Variants in STPG2 observed in about 807,000 individuals in gnomAD.
STPG2 encodes the protein sperm-tail PG-rich repeat-containing protein 2.
A neutral mutation model predicts 54.2 loss-of-function variants in STPG2; 56 were observed. The ratio of observed to expected loss-of-function variants is 1.03; its 90% confidence interval spans 0.83 to 1.29. The LOEUF (loss-of-function observed/expected upper bound fraction) is 1.29, where lower values mean the gene tolerates loss of function less well. Among genes scored for constraint, STPG2 ranks in the 50% most tolerant of loss-of-function variants. The pLI is 0.00. For missense variants in STPG2, 596 were observed against 544.9 expected, an observed-to-expected ratio of 1.09 and a Z score of -0.93; for synonymous variants, 200 against 181.8, an observed-to-expected ratio of 1.10 and a Z score of -0.81.
At chr4:98,137,510 ATATTT>A (rs1475228208) in intron 1 of STPG2, among the ~76,000 whole-genome samples, 1 of 151,782 alleles carries the variant, frequency 6.6e-6, no homozygotes, top group Non-Finnish European at 1.5e-5. Context: ...GTCTACATTT[ATATTT>A]TATGTGATTT....
Position 97,742,551 on chromosome 4 carries a change from G to GTATA in STPG2, c.1205-29738_1205-29737insTATA, listed in dbSNP as rs1467194240. 7.6e-4 allele frequency among the ~76,000 whole-genome samples: 109 copies of GTATA among 142,898 alleles called. 1 individual carries two copies. The South Asian group carries it at 0.013, about 17-fold the overall frequency. The allele number at this position is 142,898 out of a possible 152,430, so 93.7% of individuals were successfully genotyped here. A position where few individuals can be genotyped will look rare whatever the true frequency, so the allele number is the denominator to read the frequency against. On this transcript the variant is annotated intron_variant, in intron 9 of 10. Coordinates refer to ENST00000295268, the MANE Select transcript of STPG2 (RefSeq NM_174952.3). ...TGTGTGTGTGTGTGTGTGTGTGTGT[G>GTATA]TGTGTGTGTGTGTGTCTATATATAT...
intron 9 of STPG2, among the ~76,000 whole-genome samples, chr4:97,755,022 G>A (rs1168813199): frequency 6.6e-6 from 1 of 151,828 alleles, no homozygotes; most frequent in African/African-American, 2.4e-5. Flanking sequence ...GTCAAATAAA[G>A]CAAAAAAACA....
At chr4:97,732,374 T>C (rs1245268714) in intron 9 of STPG2, among the ~76,000 whole-genome samples, 2 of 152,178 alleles carry the variant, frequency 1.3e-5, no homozygotes, top group Admixed American at 6.5e-5. Context: ...AGGTGAGAGA[T>C]AGCGATCCAG....
chr4:97,887,982 G>A (rs1361839828), intron 8 of STPG2, among the ~76,000 whole-genome samples: 4 of 152,194 alleles, frequency 2.6e-5, no homozygotes, highest in Non-Finnish European at 5.9e-5. Flanking sequence ...GAGGATTTAA[G>A]TCATAAGCCT....
At chr4:97,874,342 A>G (rs145864339) in intron 8 of STPG2, among the ~76,000 whole-genome samples, 164 of 151,728 alleles carry the variant, frequency 1.1e-3, no homozygotes, top group African/African-American at 3.8e-3. Context: ...TCTCCCAAGT[A>G]ATTTTTTTTG....
At chr4:97,869,676 C>G (rs906785673) in intron 8 of STPG2, among the ~76,000 whole-genome samples, 3 of 151,578 alleles carry the variant, frequency 2.0e-5, no homozygotes, top group African/African-American at 7.3e-5. Flanking sequence ...GACCCTGCCA[C>G]TTTAGAAAGC....
intron 5 of STPG2, among the ~76,000 whole-genome samples, chr4:98,022,343 G>A (rs1487790658): frequency 1.3e-5 from 2 of 151,834 alleles, no homozygotes; most frequent in Admixed American, 1.3e-4. Context: ...TTGAATATTG[G>A]CCCCCACTCT....
chr4:97,740,137 G>T (rs1049802379), intron 9 of STPG2, among the ~76,000 whole-genome samples: 1 of 152,158 alleles, frequency 6.6e-6, no homozygotes, highest in Non-Finnish European at 1.5e-5. Context: ...AATAGATGCA[G>T]AAAAGGCCTT....
At chr4:98,035,542 T>C (rs1736746761) in intron 5 of STPG2, among the ~76,000 whole-genome samples, 1 of 152,168 alleles carries the variant, frequency 6.6e-6, no homozygotes, top group Admixed American at 6.5e-5. Flanking sequence ...GTATGGTGAT[T>C]CCTCAAGGAT....
At chr4:98,068,736 G>T (rs1054561690) in intron 5 of STPG2, among the ~76,000 whole-genome samples, 1 of 151,968 alleles carries the variant, frequency 6.6e-6, no homozygotes, top group African/African-American at 2.4e-5. Context: ...TCATCATTGT[G>T]CAAACATCAT....
chr4:97,906,406 G>C (rs889670965), intron 8 of STPG2, among the ~76,000 whole-genome samples: 2 of 152,188 alleles, frequency 1.3e-5, no homozygotes, highest in African/African-American at 4.8e-5. Context: ...TCCAGGACCA[G>C]ATGGATTCAC....
At chr4:97,562,497 G>A (rs373970761) in intron 10 of STPG2, among the ~76,000 whole-genome samples, 5 of 152,018 alleles carry the variant, frequency 3.3e-5, no homozygotes, top group Non-Finnish European at 7.4e-5. Context: ...GAGTGGTGAG[G>A]GAGGGCATCC....
At chr4:97,617,815 A>C (rs1414692102) in intron 10 of STPG2, among the ~76,000 whole-genome samples, 1 of 152,162 alleles carries the variant, frequency 6.6e-6, no homozygotes, top group Non-Finnish European at 1.5e-5. Flanking sequence ...AAAGAGTGCC[A>C]GAATAATAGA....
At chr4:97,861,910 C>A (rs1054588725) in intron 8 of STPG2, among the ~76,000 whole-genome samples, 18 of 152,070 alleles carry the variant, frequency 1.2e-4, no homozygotes, top group African/African-American at 4.3e-4. Flanking sequence ...CCTAAAAGAG[C>A]TCCTGAAGGA....
At chr4:97,519,210 C>T (rs1261816375) in intron 4 of STPG2, among the ~76,000 whole-genome samples, 2 of 151,918 alleles carry the variant, frequency 1.3e-5, no homozygotes, top group Non-Finnish European at 2.9e-5. Context: ...AAACAGAAAT[C>T]AATAAAGATC....
At chr4:98,118,042 G>A (rs771617905) in intron 3 of STPG2, among the ~76,000 whole-genome samples, 1 of 152,086 alleles carries the variant, frequency 6.6e-6, no homozygotes, top group Non-Finnish European at 1.5e-5. Flanking sequence ...TGACAACTAT[G>A]AAGATCAGAA....
chr4:97,883,568 TAAACA>T lies in STPG2; in HGVS notation c.1045-42641_1045-42637del, dbSNP rs138079306. ...GAATTTTAGCAGCAACATGAAATTA[TAAACA>T]AAACAAGTGTTAGAAATGAAAAAAA... is the stretch of plus-strand genomic sequence containing the variant. On this transcript the variant is annotated intron_variant, in intron 8 of 10. Coordinates refer to ENST00000295268, the MANE Select transcript of STPG2 (RefSeq NM_174952.3). Among the ~76,000 whole-genome samples the T allele has an allele frequency of 2.7e-3, 405 of 152,076 alleles. 2 individuals carry two copies. The highest frequency in any genetic ancestry group is 9.1e-3 in the African/African-American group (377 of 41,498).
intron 9 of STPG2, among the ~76,000 whole-genome samples, chr4:97,788,878 T>A (rs979253151): frequency 6.6e-6 from 1 of 152,142 alleles, no homozygotes; most frequent in Non-Finnish European, 1.5e-5. Context: ...CCTTTGTATC[T>A]TTTTAGTGTG....
At chr4:97,566,803 A>C (rs956143202) in intron 10 of STPG2, among the ~76,000 whole-genome samples, 1 of 149,718 alleles carries the variant, frequency 6.7e-6, no homozygotes, top group Non-Finnish European at 1.5e-5. Context: ...AACACTGCAT[A>C]TTCTCACTCA....
Sources: allele counts gnomAD v4.1 joint callset (sites outside exome capture counted in the v4.1 genomes callset), GRCh38; gene constraint gnomAD v4.1.1; transcripts MANE v1.5; gene names NCBI Gene and HGNC (gene_info 2026-07-23, HGNC 2026-07-21).